Variants in ZNF528 observed in about 807,000 individuals in gnomAD.
The protein encoded by ZNF528 is zinc finger protein 528.
Under a neutral mutation model 13.3 loss-of-function variants are expected in ZNF528, and 9 were observed. The ratio of observed to expected loss-of-function variants is 0.67; its 90% CI spans 0.41 to 1.18. The LOEUF is 1.18. ZNF528 is among the 50% of genes most tolerant of loss of function. The pLI is 0.01. For synonymous variants in ZNF528, 264 were observed against 254.3 expected, an observed-to-expected ratio of 1.04 and a Z score of -0.36; for missense variants, 858 against 745.4, an observed-to-expected ratio of 1.15 and a Z score of -1.76.
chr19:52,406,807 G>T, intron 6 of ZNF528, 164 bp downstream of exon 6: 1 of 931,270 alleles, frequency 1.1e-6, no homozygotes, highest in South Asian at 2.9e-5. Flanking sequence ...AAAGTGTTGG[G>T]ATTACAGCCA....
intron 4 of ZNF528, chr19:52,402,409 C>CTTT: frequency 1.3e-5 from 3 of 224,860 alleles, no homozygotes; most frequent in Admixed American, 5.5e-5. Context: ...TTTCTTCTTT[C>CTTT]TTTTTTTTTT....
At chr19:52,413,907 T>A in intron 6 of ZNF528, 1 of 299,928 alleles carries the variant, frequency 3.3e-6, no homozygotes, top group South Asian at 4.4e-5. Context: ...ATTTTCCACA[T>A]CAAGAGTGCC....
chr19:52,406,848 T>C (rs2058863035), intron 6 of ZNF528: 1 of 529,220 alleles, frequency 1.9e-6, no homozygotes, highest in Non-Finnish European at 3.0e-6. Flanking sequence ...AGCCACACTA[T>C]TACATAGCGT....
chr19:52,416,409 G>A lies in ZNF528; in HGVS notation c.1557G>A (p.Lys519=), dbSNP rs771894825. The A allele has an allele frequency of 8.5e-5, 138 of 1,614,042 alleles. No homozygotes were observed. Among genetic ancestry groups the A allele is most frequent in the Middle Eastern group, 6.6e-4 (4 of 6,060 alleles). ...VCHQKIHTGE[K]PYKCNQCGKV... ...ATCAGAAAATTCATACAGGAGAAAA[G>A]CCTTACAAATGTAATCAATGTGGCA... is the stretch of plus-strand genomic sequence containing the variant. The change falls in exon 7 of 7, where the codon AAG becomes AAA. Residue 519 remains lysine (K), a synonymous_variant. Transcript: ENST00000360465.
chr19:52,399,058 A>T (rs188388521), intron 2 of ZNF528, among the ~76,000 whole-genome samples: 6 of 152,244 alleles, frequency 3.9e-5, no homozygotes, highest in Admixed American at 3.9e-4. Context: ...GTAAAAATGG[A>T]TCAGAACAGG....
rs887789474 is a variant in ZNF528, at chr19:52,416,937, A to G, written c.*198A>G. 1.7e-5 allele frequency: 10 copies of G among 573,824 alleles called. No individual in the cohort carries two copies. The highest frequency in any genetic ancestry group is 3.2e-5 in the Admixed American group (1 of 31,376). 35.5% of individuals were successfully genotyped at this position (573,824 alleles called of 1,614,324 possible). A position where few individuals can be genotyped will look rare whatever the true frequency, so the allele number is the denominator to read the frequency against. Reference sequence around the variant, plus strand: ...CAGATGAATTGTGTGTACTTGGGCTATTATTCAAGGACCATTGCTATAGAA... The same window carrying G: ...CAGATGAATTGTGTGTACTTGGGCTGTTATTCAAGGACCATTGCTATAGAA... On this transcript the variant is annotated 3_prime_UTR_variant, in exon 7 of 7. Transcript: ENST00000360465.
At chr19:52,412,217 G>T (rs2058939748) in intron 6 of ZNF528, 1 of 152,192 alleles carries the variant, frequency 6.6e-6, no homozygotes, top group African/African-American at 2.4e-5. Context: ...CAGGGAATAA[G>T]CAATAGCTAA....
intron 6 of ZNF528, chr19:52,411,784 C>A (rs995302682): frequency 3.3e-5 from 5 of 152,192 alleles, no homozygotes; most frequent in Non-Finnish European, 5.9e-5. Flanking sequence ...CCATGTCCTT[C>A]AACATTTCAA....
chr19:52,399,763 G>A (rs1055361773), intron 2 of ZNF528, among the ~76,000 whole-genome samples: 1 of 152,066 alleles, frequency 6.6e-6, no homozygotes, highest in Non-Finnish European at 1.5e-5. Flanking sequence ...AATAAAGAGC[G>A]CTCAACACAG....
Position 52,417,007 on chromosome 19 carries a change from G to A in ZNF528, c.*268G>A, listed in dbSNP as rs969526351. 7.0e-6 allele frequency: 3 copies of A among 429,404 alleles called. No homozygotes were observed. The highest frequency in any genetic ancestry group is 3.9e-5 in the African/African-American group (2 of 51,252). 26.6% of individuals were successfully genotyped at this position (429,404 alleles called of 1,614,324 possible). A position where few individuals can be genotyped will look rare whatever the true frequency, so the allele number is the denominator to read the frequency against. On this transcript the variant is annotated 3_prime_UTR_variant, in exon 7 of 7. Coordinates refer to ENST00000360465, the MANE Select transcript of ZNF528 (RefSeq NM_032423.3). The stretch of plus-strand genomic sequence containing the variant: ...GAAGTAACTCTGTCTCTGGTTCTCT[G>A]ATACTAATCTATGATATTGCATGAT...
intron 6 of ZNF528, among the ~76,000 whole-genome samples, chr19:52,410,900 C>G (rs531552428): frequency 6.6e-6 from 1 of 152,272 alleles, no homozygotes; most frequent in South Asian, 2.1e-4. Context: ...TTAATATCTC[C>G]TAGTATTTGT....
Position 52,405,982 on chromosome 19 carries a change from A to G in ZNF528, c.91A>G (p.Thr31Ala), listed in dbSNP as rs759428575. The G allele has an allele frequency of 3.1e-6, 5 of 1,612,044 alleles. No individual in the cohort carries two copies. The South Asian group carries it at 5.5e-5, about 18-fold the overall frequency. Residue 31 changes from threonine (T) to alanine (A), a missense_variant, in exon 5 of 7, where the codon ACT becomes GCT. Thr to Ala is a moderately conservative substitution (Grantham distance 58). Coordinates refer to ENST00000360465, the MANE Select transcript of ZNF528 (RefSeq NM_032423.3). ...GAAATGCCTGGACCCTGCGCAGAGG[A>G]CTTTATACAGGGACGTGATGTTGGA... ...EWKCLDPAQR[T>A]LYRDVMLENY...
intron 6 of ZNF528, among the ~76,000 whole-genome samples, chr19:52,407,190 A>G (rs1379382159): frequency 6.7e-6 from 1 of 149,010 alleles, no homozygotes; most frequent in Non-Finnish European, 1.5e-5. Flanking sequence ...CCAGTCCAGA[A>G]TGCAGTGGCA....
chr19:52,412,147 G>T (rs1348482982), intron 6 of ZNF528: 1 of 152,198 alleles, frequency 6.6e-6, no homozygotes, highest in African/African-American at 2.4e-5. Context: ...TTCCTATGTA[G>T]TTGTGCTCCC....
At chr19:52,408,714 C>T (rs1275135435) in intron 6 of ZNF528, among the ~76,000 whole-genome samples, 1 of 152,062 alleles carries the variant, frequency 6.6e-6, no homozygotes, top group Non-Finnish European at 1.5e-5. Flanking sequence ...GCTGGGGTTA[C>T]AGACACCACG....
Position 52,416,454 on chromosome 19 carries a change from A to G in ZNF528, c.1602A>G (p.Ser534=), listed in dbSNP as rs1568433170. ...NQCGKVFNQA[S]YLTRHQIIHT... ...GTGGCAAGGTCTTTAATCAAGCATC[A>G]TACCTTACAAGACATCAAATAATTC... is the stretch of plus-strand genomic sequence containing the variant. Residue 534 remains serine (S), a synonymous_variant, in exon 7 of 7, where the codon TCA becomes TCG. Transcript: ENST00000360465. The G allele has an allele frequency of 1.9e-6, 3 of 1,614,094 alleles. No individual in the cohort carries two copies. The highest frequency in any genetic ancestry group is 1.3e-5 in the African/African-American group (1 of 74,940).
chr19:52,415,310 C>G lies in ZNF528; in HGVS notation c.458C>G (p.Ser153Cys). The change falls in exon 7 of 7, where the codon TCC (serine) becomes TGC (cysteine). Residue 153 changes from serine (S) to cysteine (C), a missense_variant. Coordinates refer to ENST00000360465, the MANE Select transcript of ZNF528 (RefSeq NM_032423.3). The part of the protein sequence containing the change: ...SSVSPLEKIS[S>C]SVKSHLLNKY... Reference sequence around the variant, plus strand: ...GTTTCACCGCTTGAAAAAATTTCTTCCAGTGTCAAATCCCACCTTTTAAAT... The same window carrying G: ...GTTTCACCGCTTGAAAAAATTTCTTGCAGTGTCAAATCCCACCTTTTAAAT... 6.2e-7 allele frequency: 1 copy of G among 1,612,882 alleles called. No homozygotes were observed. Among genetic ancestry groups the G allele is most frequent in the Non-Finnish European group, 8.5e-7 (1 of 1,179,648 alleles).
At chr19:52,414,900 C>G in intron 6 of ZNF528, 1 of 1,458,054 alleles carries the variant, frequency 6.9e-7, no homozygotes, top group East Asian at 2.8e-5. Flanking sequence ...TGCTCATAGT[C>G]TGTTTCAGAT....
intron 6 of ZNF528, chr19:52,412,356 G>C (rs2058941602): frequency 6.6e-6 from 1 of 152,212 alleles, no homozygotes; most frequent in African/African-American, 2.4e-5. Context: ...GGCGGCCTTT[G>C]CCTAAAATTA....
Sources: allele counts gnomAD v4.1 joint callset (sites outside exome capture counted in the v4.1 genomes callset), GRCh38; gene constraint gnomAD v4.1.1; transcripts MANE v1.5; gene names NCBI Gene and HGNC (gene_info 2026-07-23, HGNC 2026-07-21).